The following ABHD3 variants were observed in gnomAD, a reference collection of about 807,000 sequenced individuals.
ABHD3 encodes abhydrolase domain containing 3, phospholipase, also known as phospholipase ABHD3.
A neutral mutation model predicts 48.8 loss-of-function variants in ABHD3; 46 were observed. That is an observed-to-expected ratio of 0.94 (90% CI 0.74 to 1.20). The LOEUF (loss-of-function observed/expected upper bound fraction) is 1.20. Among genes scored for constraint, ABHD3 ranks in the 50% most tolerant of loss-of-function variants. The pLI is 0.00. For synonymous variants in ABHD3, 192 were observed against 183.7 expected (o/e 1.04, Z -0.36); for missense variants, 490 against 497.8 (o/e 0.98, Z 0.15).
At chr18:21,677,943 A>G (rs772734625) in intron 4 of ABHD3, among the ~76,000 whole-genome samples, 4 of 151,950 alleles carry the variant, frequency 2.6e-5, no homozygotes, top group Non-Finnish European at 4.4e-5. Context: ...GATTACAGGT[A>G]TGAGCCACCG....
At chr18:21,700,426 T>G (rs1319412676) in intron 3 of ABHD3, among the ~76,000 whole-genome samples, 1 of 145,412 alleles carries the variant, frequency 6.9e-6, no homozygotes, top group Non-Finnish European at 1.5e-5. Flanking sequence ...GAGACGGAGT[T>G]TTGCTCTTAT....
chr18:21,702,379 G>C lies in ABHD3; in HGVS notation c.446C>G (p.Thr149Arg), dbSNP rs148194972. The C allele has an allele frequency of 6.2e-7, 1 of 1,613,632 alleles. No individual in the cohort carries two copies. The highest frequency in any genetic ancestry group is 1.3e-5 in the African/African-American group (1 of 74,896). ...RPTILLLPGL[T>R]GTSKESYILH... ...GATATATGACTCCTTGCTTGTTCCCGTGAGGCCAGGCAACAATAAGATAGT... is the reference window on the plus strand; with the variant it reads ...GATATATGACTCCTTGCTTGTTCCCCTGAGGCCAGGCAACAATAAGATAGT... Residue 149 changes from threonine (T) to arginine (R), a missense_variant, in exon 3 of 9, where the codon ACG (threonine) becomes AGG (arginine). By Grantham distance (71) the Thr-to-Arg change is moderately conservative. Coordinates refer to ENST00000289119, the MANE Select transcript of ABHD3 (RefSeq NM_138340.5).
chr18:21,676,669 G>A (rs989938577), intron 4 of ABHD3, among the ~76,000 whole-genome samples: 2 of 152,208 alleles, frequency 1.3e-5, no homozygotes, highest in African/African-American at 2.4e-5. Flanking sequence ...GGGATTACCC[G>A]CATAAGCCAC....
chr18:21,663,800 T>G (rs1027342088), intron 5 of ABHD3: 1 of 1,533,582 alleles, frequency 6.5e-7, no homozygotes, highest in African/African-American at 1.4e-5. Context: ...CAGGGATGGC[T>G]GGGAGTGCGT....
At chr18:21,666,251 T>C (rs1376333673) in intron 4 of ABHD3, among the ~76,000 whole-genome samples, 1 of 152,136 alleles carries the variant, frequency 6.6e-6, no homozygotes, top group South Asian at 2.1e-4. Context: ...TGGAGTGCTG[T>C]GGCGCGATCT....
At chr18:21,703,793 T>C in intron 1 of ABHD3, 46 bp from the exon 2 acceptor site, 1 of 1,584,454 alleles carries the variant, frequency 6.3e-7, no homozygotes, top group Non-Finnish European at 8.6e-7. Flanking sequence ...GCAAAGTTTC[T>C]GCCAACCGTA....
intron 4 of ABHD3, among the ~76,000 whole-genome samples, chr18:21,667,302 T>C (rs898976767): frequency 7.3e-6 from 1 of 136,404 alleles, no homozygotes; most frequent in African/African-American, 2.8e-5. Context: ...TGGAGTGCAA[T>C]GGCGAGATCT....
chr18:21,704,764 C>G lies in ABHD3; in HGVS notation c.-99G>C. On this transcript the variant is annotated 5_prime_UTR_variant, in exon 1 of 9. Coordinates refer to ENST00000289119, the MANE Select transcript of ABHD3 (RefSeq NM_138340.5). Reference sequence around the variant, plus strand: ...GCGGACGCGGCGCCGCTGCCTACTCCCGACCACAGTGTCTCCTGCCTGGCG... The same window carrying G: ...GCGGACGCGGCGCCGCTGCCTACTCGCGACCACAGTGTCTCCTGCCTGGCG... The G allele has an allele frequency of 8.7e-7, 1 of 1,146,012 alleles. No individual in the cohort carries two copies. Among genetic ancestry groups the G allele is most frequent in the Non-Finnish European group, 1.1e-6 (1 of 882,786 alleles). The allele number at this position is 1,146,012 out of a possible 1,614,324, so 71.0% of individuals were successfully genotyped here. A position where few individuals can be genotyped will look rare whatever the true frequency, so the allele number is the denominator to read the frequency against.
At chr18:21,697,860 C>T (rs2040415621) in intron 3 of ABHD3, among the ~76,000 whole-genome samples, 1 of 152,072 alleles carries the variant, frequency 6.6e-6, no homozygotes, top group South Asian at 2.1e-4. Context: ...CAACAATAAA[C>T]CATTATGTCT....
At chr18:21,687,300 C>G (rs1204328010) in intron 3 of ABHD3, among the ~76,000 whole-genome samples, 1 of 152,036 alleles carries the variant, frequency 6.6e-6, no homozygotes, top group East Asian at 1.9e-4. Flanking sequence ...GCTCCGCCTC[C>G]TGGGTTCAAG....
chr18:21,674,889 A>C (rs1339619397), intron 4 of ABHD3, among the ~76,000 whole-genome samples: 2 of 151,602 alleles, frequency 1.3e-5, no homozygotes, highest in African/African-American at 4.8e-5. Context: ...TCCTTTCTAA[A>C]TGCCTTCTTC....
intron 4 of ABHD3, among the ~76,000 whole-genome samples, chr18:21,670,742 T>C (rs1411499096): frequency 2.0e-5 from 3 of 152,160 alleles, no homozygotes; most frequent in African/African-American, 7.2e-5. Context: ...AGGCTGGGCA[T>C]GGTAGCTCAT....
At chr18:21,656,744 T>C in intron 8 of ABHD3, 117 bp downstream of exon 8, 1 of 977,510 alleles carries the variant, frequency 1.0e-6, no homozygotes, top group Non-Finnish European at 1.5e-6. Flanking sequence ...GTTATGAGTA[T>C]CTAGTTTTTT....
chr18:21,667,077 ATT>A (rs60152923), intron 4 of ABHD3, among the ~76,000 whole-genome samples: 13 of 124,892 alleles, frequency 1.0e-4, no homozygotes, highest in Non-Finnish European at 1.6e-4. Context: ...AGAAAATTAC[ATT>A]TTTTTTTTTT....
At chr18:21,666,471 T>C (rs11660772) in intron 4 of ABHD3, among the ~76,000 whole-genome samples, 23,490 of 151,842 alleles carry the variant, frequency 0.15, 2,077 homozygotes, top group Middle Eastern at 0.28. Context: ...GGATTACAGG[T>C]GTGAGCCACC....
At chr18:21,680,237 A>G (rs766412400) in intron 4 of ABHD3, among the ~76,000 whole-genome samples, 1 of 151,738 alleles carries the variant, frequency 6.6e-6, no homozygotes, top group Non-Finnish European at 1.5e-5. Context: ...GTTGATCTCG[A>G]ACTCCTGGCC....
chr18:21,684,688 G>A (rs914374783), intron 3 of ABHD3, among the ~76,000 whole-genome samples: 5 of 152,064 alleles, frequency 3.3e-5, no homozygotes, highest in Non-Finnish European at 5.9e-5. Context: ...ACATTCATAC[G>A]TATCTATTTA....
At position 21,704,576 on chromosome 18, in the gene ABHD3, C is replaced by T. The variant is rs1403616654; in HGVS notation, c.90G>A (p.Ser30=). The change falls in exon 1 of 9, where the codon TCG becomes TCA. Residue 30 remains serine, a synonymous_variant. Transcript: ENST00000289119. The stretch of plus-strand genomic sequence containing the variant: ...CCAGGATAAGGGATAAGCCCACCCC[C>T]GAGCCGAAGAACCCCACCCGGACTT... ...EHQVRVGFFG[S]GVGLSLILGF... is the part of the protein sequence containing the mutation. 4 of 1,545,738 alleles carry T rather than the reference C, an allele frequency of 2.6e-6. No homozygotes were observed. Among genetic ancestry groups the T allele is most frequent in the Non-Finnish European group, 2.6e-6 (3 of 1,149,008 alleles).
chr18:21,663,149 G>A (rs375746305), intron 5 of ABHD3, among the ~76,000 whole-genome samples: 138 of 152,114 alleles, frequency 9.1e-4, no homozygotes, highest in Middle Eastern at 6.8e-3. Flanking sequence ...TTAAAGGCCT[G>A]TTTTTTAGAG....
Sources: gnomAD v4.1 joint callset for allele counts (sites outside exome capture counted in the v4.1 genomes callset) on GRCh38, gnomAD v4.1.1 for gene constraint, MANE v1.5 for transcripts, NCBI Gene and HGNC (gene_info 2026-07-23, HGNC 2026-07-21) for gene names.